Variants in PDE4D observed in about 807,000 individuals in gnomAD.
The protein encoded by PDE4D is phosphodiesterase 4D.
Under a neutral mutation model 87.4 loss-of-function variants are expected in PDE4D, and 24 were observed. The observed-to-expected ratio is 0.27, with a 90% CI of 0.20 to 0.39. PDE4D has a LOEUF of 0.39. Ranked by LOEUF, PDE4D falls within the 10% of genes least tolerant of loss-of-function variation. The pLI is 1.00. For missense variants in PDE4D, 714 were observed against 1,041.0 expected (o/e 0.69, Z 4.32); for synonymous variants, 384 against 383.2 (o/e 1.00, Z -0.02).
intron 1 of PDE4D, among the ~76,000 whole-genome samples, chr5:59,351,755 G>A (rs137990587): frequency 1.3e-5 from 2 of 152,048 alleles, no homozygotes; most frequent in Admixed American, 6.6e-5. Context: ...ACATCAATTA[G>A]GTTAGAGGAC....
chr5:60,259,131 TTTA>T (rs1583234720), intron 1 of PDE4D, among the ~76,000 whole-genome samples: 1 of 152,090 alleles, frequency 6.6e-6, no homozygotes, highest in Non-Finnish European at 1.5e-5. Flanking sequence ...TTTTTCAACA[TTTA>T]TTGAGTTCTT....
chr5:59,446,129 G>A (rs1320972031), intron 1 of PDE4D, among the ~76,000 whole-genome samples: 1 of 152,010 alleles, frequency 6.6e-6, no homozygotes, highest in Non-Finnish European at 1.5e-5. Flanking sequence ...TGGTCATTGT[G>A]CTATATGTAT....
At chr5:59,414,095 G>C (rs1003820629) in intron 1 of PDE4D, among the ~76,000 whole-genome samples, 1 of 152,204 alleles carries the variant, frequency 6.6e-6, no homozygotes, top group Non-Finnish European at 1.5e-5. Context: ...GAAGCTACAT[G>C]ATTACATATC....
At chr5:59,673,345 T>G (rs1328744530) in intron 1 of PDE4D, among the ~76,000 whole-genome samples, 1 of 152,190 alleles carries the variant, frequency 6.6e-6, no homozygotes, top group Non-Finnish European at 1.5e-5. Context: ...ATAAGATGTT[T>G]CCTTGTTACT....
intron 5 of PDE4D, among the ~76,000 whole-genome samples, chr5:59,091,811 T>C (rs1768798388): frequency 6.6e-6 from 1 of 152,118 alleles, no homozygotes; most frequent in African/African-American, 2.4e-5. Context: ...TTTCACAATT[T>C]AAAAATTTAT....
At chr5:59,364,009 C>G (rs1782653890) in intron 1 of PDE4D, among the ~76,000 whole-genome samples, 1 of 152,170 alleles carries the variant, frequency 6.6e-6, no homozygotes, top group Non-Finnish European at 1.5e-5. Context: ...TTCAGTCCAT[C>G]CAACCAAAGG....
intron 5 of PDE4D, among the ~76,000 whole-genome samples, chr5:59,135,659 T>G (rs1007471835): frequency 1.8e-4 from 27 of 152,168 alleles, no homozygotes; most frequent in Non-Finnish European, 3.5e-4. Flanking sequence ...TCTCTATATT[T>G]ATGTATTCAT....
At chr5:60,259,048 C>T (rs920022606) in intron 1 of PDE4D, among the ~76,000 whole-genome samples, 2 of 151,972 alleles carry the variant, frequency 1.3e-5, no homozygotes, top group Non-Finnish European at 2.9e-5. Context: ...CATATAAGCT[C>T]ATCATATTTA....
At chr5:60,388,074 G>T (rs930835596) in intron 1 of PDE4D, among the ~76,000 whole-genome samples, 1 of 152,020 alleles carries the variant, frequency 6.6e-6, no homozygotes, top group African/African-American at 2.4e-5. Context: ...GATGTGTAGG[G>T]TGAGGTATGA....
chr5:60,257,654 C>T (rs1749230994), intron 1 of PDE4D, among the ~76,000 whole-genome samples: 1 of 151,888 alleles, frequency 6.6e-6, no homozygotes, highest in South Asian at 2.1e-4. Flanking sequence ...TGAAGTCATG[C>T]TAGAGAAAGC....
chr5:60,208,528 C>T (rs1156976065), intron 1 of PDE4D, among the ~76,000 whole-genome samples: 1 of 152,108 alleles, frequency 6.6e-6, no homozygotes, highest in African/African-American at 2.4e-5. Context: ...AAGAGAATAG[C>T]AGGACAATGG....
intron 5 of PDE4D, among the ~76,000 whole-genome samples, chr5:59,132,070 A>C (rs1386308052): frequency 6.6e-6 from 1 of 152,172 alleles, no homozygotes; most frequent in African/African-American, 2.4e-5. Context: ...TTATTATCAA[A>C]GTGCAATTTT....
rs186526686 is a variant in PDE4D, at chr5:59,409,016, C to T, written c.456-193048G>A. ...TACAAAAATTAGCTGGGCATGACAG[C>T]GGGTGCCTGTAATCCCAGCTACTCA... On this transcript the variant is annotated intron_variant, in intron 1 of 14. Coordinates refer to ENST00000340635, the MANE Select transcript of PDE4D (RefSeq NM_001104631.2). Among the ~76,000 whole-genome samples, 335 of 151,958 alleles carry T rather than the reference C, an allele frequency of 2.2e-3. 1 individual carries two copies. Among genetic ancestry groups the T allele is most frequent in the African/African-American group, 6.1e-3 (251 of 41,452 alleles).
intron 2 of PDE4D, among the ~76,000 whole-genome samples, chr5:60,167,420 C>T (rs913313505): frequency 1.3e-5 from 2 of 151,544 alleles, no homozygotes; most frequent in Non-Finnish European, 2.9e-5. Context: ...AGGCGCCCGC[C>T]ACCTCGCCCG....
intron 3 of PDE4D, among the ~76,000 whole-genome samples, chr5:59,187,178 T>A (rs1034175897): frequency 6.6e-6 from 1 of 152,112 alleles, no homozygotes; most frequent in Non-Finnish European, 1.5e-5. Context: ...ACATCAGTCA[T>A]GAAAAGAAAA....
intron 1 of PDE4D, among the ~76,000 whole-genome samples, chr5:59,760,774 T>G (rs1220469366): frequency 6.6e-6 from 1 of 152,214 alleles, no homozygotes; most frequent in Non-Finnish European, 1.5e-5. Context: ...TTGAAAATAT[T>G]TCACTATGTA....
intron 1 of PDE4D, among the ~76,000 whole-genome samples, chr5:60,504,892 C>T (rs1750255982): frequency 6.6e-6 from 1 of 152,112 alleles, no homozygotes; most frequent in African/African-American, 2.4e-5. Context: ...TGGGAGAGCT[C>T]CCCTAAACCT....
At chr5:59,923,865 G>A (rs1199826674) in intron 3 of PDE4D, among the ~76,000 whole-genome samples, 1 of 152,126 alleles carries the variant, frequency 6.6e-6, no homozygotes, top group South Asian at 2.1e-4. Flanking sequence ...CAAGGAAAAC[G>A]TGATCTCACC....
At chr5:59,572,645 T>C (rs1189928634) in intron 1 of PDE4D, among the ~76,000 whole-genome samples, 1 of 152,000 alleles carries the variant, frequency 6.6e-6, no homozygotes. Context: ...CACGCCCAGC[T>C]AATTTTTTGT....
Sources: allele counts gnomAD v4.1 joint callset (sites outside exome capture counted in the v4.1 genomes callset), GRCh38; gene constraint gnomAD v4.1.1; transcripts MANE v1.5; gene names NCBI Gene and HGNC (gene_info 2026-07-23, HGNC 2026-07-21).